KHDRBS2: variants seen among roughly 807,000 people sequenced by gnomAD.
KHDRBS2 encodes the protein KH domain-containing, RNA-binding, signal transduction-associated protein 2.
In KHDRBS2, 26 loss-of-function variants were observed where a neutral mutation model predicts 44.3. That is an observed-to-expected ratio of 0.59 (90% CI 0.43 to 0.81). KHDRBS2 has a LOEUF of 0.81. Ranked by LOEUF, KHDRBS2 falls within the 40% of genes least tolerant of loss-of-function variation. The pLI is 0.00. For missense variants in KHDRBS2, 476 were observed against 433.1 expected, an observed-to-expected ratio of 1.10 and a Z score of -0.88; for synonymous variants, 194 against 151.1, an observed-to-expected ratio of 1.28 and a Z score of -2.08.
chr6:62,220,041 A>G (rs1211212731), intron 1 of KHDRBS2, among the ~76,000 whole-genome samples: 1 of 151,054 alleles, frequency 6.6e-6, no homozygotes, highest in Non-Finnish European at 1.5e-5. Context: ...AACATACTAT[A>G]AGTAGGGAAA....
intron 2 of KHDRBS2, among the ~76,000 whole-genome samples, chr6:62,070,690 T>C (rs1486886012): frequency 1.3e-5 from 2 of 152,192 alleles, no homozygotes; most frequent in East Asian, 3.8e-4. Context: ...TATGGCTGCA[T>C]AGTATTCCAT....
At chr6:61,715,962 A>G (rs1771339991) in intron 7 of KHDRBS2, among the ~76,000 whole-genome samples, 1 of 114,822 alleles carries the variant, frequency 8.7e-6, no homozygotes, top group Non-Finnish European at 1.8e-5. Flanking sequence ...GTAGCAGGTT[A>G]TATTTTTTTA....
At chr6:61,605,244 C>G in the KHDRBS2 span, among the ~76,000 whole-genome samples, 1 of 152,118 alleles carries the variant, frequency 6.6e-6, no homozygotes, top group African/African-American at 2.4e-5. Context: ...ACAAAACTTG[C>G]CATCCCTACT....
intron 1 of KHDRBS2, among the ~76,000 whole-genome samples, chr6:62,220,737 T>C (rs1412555328): frequency 6.6e-6 from 1 of 151,382 alleles, no homozygotes; most frequent in African/African-American, 2.4e-5. Flanking sequence ...ATTGAAATAA[T>C]CAACAGAAGG....
intron 3 of KHDRBS2, among the ~76,000 whole-genome samples, chr6:61,995,336 G>A (rs1356182578): frequency 6.6e-6 from 1 of 152,094 alleles, no homozygotes; most frequent in African/African-American, 2.4e-5. Context: ...TCCTAGAAGT[G>A]ACTATTTTTG....
chr6:61,632,288 A>T, the KHDRBS2 span, among the ~76,000 whole-genome samples: 10 of 152,144 alleles, frequency 6.6e-5, no homozygotes, highest in African/African-American at 2.4e-4. Context: ...AAGTCCTAGT[A>T]TGAGAATCTA....
chr6:61,709,927 C>T lies in KHDRBS2; in HGVS notation c.894-12674G>A, dbSNP rs189962108. Among the ~76,000 whole-genome samples, 251 of 151,744 alleles carry T rather than the reference C, an allele frequency of 1.7e-3. 3 individuals carry two copies. The highest frequency in any genetic ancestry group is 4.1e-4 in the Non-Finnish European group (28 of 67,768). Reference sequence around the variant, plus strand: ...AGTATAATCTCTAGTTACTTCAATACTTTAATCTAGTTGACTTTGCTACTG... The same window carrying T: ...AGTATAATCTCTAGTTACTTCAATATTTTAATCTAGTTGACTTTGCTACTG... On this transcript the variant is annotated intron_variant, in intron 7 of 8. Transcript: ENST00000281156.
At chr6:61,917,884 T>C (rs552906053) in intron 4 of KHDRBS2, among the ~76,000 whole-genome samples, 1 of 152,120 alleles carries the variant, frequency 6.6e-6, no homozygotes, top group East Asian at 1.9e-4. Flanking sequence ...TTTCATCAAG[T>C]TGAAACAGCC....
chr6:61,723,574 C>A (rs12209869), intron 7 of KHDRBS2, among the ~76,000 whole-genome samples: 52,482 of 149,414 alleles, frequency 0.35, 9,963 homozygotes, highest in East Asian at 0.47. Context: ...AACAAACAAA[C>A]AAAAAAACAA....
the KHDRBS2 span, among the ~76,000 whole-genome samples, chr6:61,653,417 CCTT>C: frequency 5.9e-5 from 9 of 151,966 alleles, no homozygotes; most frequent in Middle Eastern, 3.2e-3. Flanking sequence ...AAAATAAAAA[CCTT>C]CTATTTGAAA....
At chr6:61,905,096 A>T (rs1804719544) in intron 4 of KHDRBS2, among the ~76,000 whole-genome samples, 1 of 152,262 alleles carries the variant, frequency 6.6e-6, no homozygotes, top group African/African-American at 2.4e-5. Flanking sequence ...ACCAAAAAGG[A>T]TAGCAATGAG....
intron 7 of KHDRBS2, among the ~76,000 whole-genome samples, chr6:61,720,745 G>A (rs1772327742): frequency 6.6e-6 from 1 of 151,800 alleles, no homozygotes; most frequent in African/African-American, 2.4e-5. Context: ...TCACTCTGAT[G>A]GTAGTTTCTT....
chr6:62,033,167 A>G (rs1784655832), intron 3 of KHDRBS2, among the ~76,000 whole-genome samples: 1 of 151,958 alleles, frequency 6.6e-6, no homozygotes, highest in South Asian at 2.1e-4. Context: ...ATACCCAAAC[A>G]GAGGAGACAA....
At chr6:61,828,797 T>A (rs1285654599) in intron 6 of KHDRBS2, among the ~76,000 whole-genome samples, 1 of 152,252 alleles carries the variant, frequency 6.6e-6, no homozygotes, top group African/African-American at 2.4e-5. Context: ...TACAATATTT[T>A]ATTTATCTTT....
At chr6:61,560,544 G>C in the KHDRBS2 span, among the ~76,000 whole-genome samples, 32,120 of 151,748 alleles carry the variant, frequency 0.21, 3,654 homozygotes, top group East Asian at 0.29. Flanking sequence ...CAAATATCCT[G>C]TTCTTAAGCT....
At chr6:61,958,355 C>T (rs1380757401) in intron 4 of KHDRBS2, among the ~76,000 whole-genome samples, 2 of 152,072 alleles carry the variant, frequency 1.3e-5, no homozygotes, top group Admixed American at 1.3e-4. Flanking sequence ...ATGTTGCTTC[C>T]ATATAATTAC....
intron 6 of KHDRBS2, among the ~76,000 whole-genome samples, chr6:61,839,797 A>G (rs538377721): frequency 6.6e-6 from 1 of 152,214 alleles, no homozygotes; most frequent in Admixed American, 6.6e-5. Context: ...ACAGAGAAAG[A>G]ATATTGTATG....
intron 1 of KHDRBS2, among the ~76,000 whole-genome samples, chr6:62,271,244 G>A (rs1473074531): frequency 6.6e-6 from 1 of 151,906 alleles, no homozygotes; most frequent in Admixed American, 6.6e-5. Context: ...ATATAACATC[G>A]TGGTCCCACA....
At chr6:61,856,510 T>C (rs1221014561) in intron 6 of KHDRBS2, among the ~76,000 whole-genome samples, 1 of 152,030 alleles carries the variant, frequency 6.6e-6, no homozygotes, top group Non-Finnish European at 1.5e-5. Flanking sequence ...AAGAAAACTA[T>C]TGGATATGAT....
Sources: gnomAD v4.1 joint callset for allele counts (sites outside exome capture counted in the v4.1 genomes callset) on GRCh38, gnomAD v4.1.1 for gene constraint, MANE v1.5 for transcripts, NCBI Gene and HGNC (gene_info 2026-07-23, HGNC 2026-07-21) for gene names.